NDST4: variants seen among roughly 807,000 people sequenced by gnomAD.
The protein encoded by NDST4 is N-heparan sulfate sulfotransferase 4.
In NDST4, 63 loss-of-function variants were observed where a neutral mutation model predicts 100.8. The ratio of observed to expected loss-of-function variants is 0.62; its 90% CI spans 0.51 to 0.77. The LOEUF is 0.77. NDST4 is among the 30% of genes least tolerant of loss of function. The pLI, the probability that NDST4 is intolerant of heterozygous loss-of-function variation, is 0.00. For synonymous variants in NDST4, 377 were observed against 361.8 expected (o/e 1.04, Z -0.48); for missense variants, 943 against 1,018.4 (o/e 0.93, Z 1.01).
intron 8 of NDST4, among the ~76,000 whole-genome samples, chr4:114,849,439 A>AAGTAG (rs1723625382): frequency 6.6e-6 from 1 of 152,238 alleles, no homozygotes; most frequent in Admixed American, 6.5e-5. Flanking sequence ...TGGGATCTGG[A>AAGTAG]AGTAGACAAG....
intron 4 of NDST4, among the ~76,000 whole-genome samples, chr4:114,962,319 A>C (rs1288194189): frequency 6.6e-6 from 1 of 151,912 alleles, no homozygotes; most frequent in Admixed American, 6.6e-5. Context: ...CAATTAGACA[A>C]TAAAATAAAA....
chr4:115,101,118 A>G (rs1287283113), intron 1 of NDST4, among the ~76,000 whole-genome samples: 1 of 152,096 alleles, frequency 6.6e-6, no homozygotes, highest in Non-Finnish European at 1.5e-5. Flanking sequence ...TAATAGCCAG[A>G]TGCACTATCC....
chr4:114,889,058 T>G (rs1724538812), intron 6 of NDST4, among the ~76,000 whole-genome samples: 1 of 152,190 alleles, frequency 6.6e-6, no homozygotes, highest in Non-Finnish European at 1.5e-5. Context: ...ACACTAGATA[T>G]TATCATGCTT....
intron 2 of NDST4, among the ~76,000 whole-genome samples, chr4:115,050,262 A>G (rs1412422002): frequency 6.6e-6 from 1 of 152,148 alleles, no homozygotes; most frequent in Non-Finnish European, 1.5e-5. Flanking sequence ...AAACATGTCA[A>G]TATTTTTCAT....
Position 115,064,329 on chromosome 4 carries a change from G to A in NDST4, c.978+11730C>T, listed in dbSNP as rs557696254. Among the ~76,000 whole-genome samples the A allele has an allele frequency of 4.9e-4, 74 of 151,934 alleles. 2 individuals carry two copies. The South Asian group carries it at 0.013, about 26-fold the overall frequency. On this transcript the variant is annotated intron_variant, in intron 2 of 13. Transcript: ENST00000264363. ...AAAACTAAATAAAATTGTTTCAATC[G>A]ATCATAATTTCTAGGCAGAACAACT...
intron 7 of NDST4, among the ~76,000 whole-genome samples, chr4:114,855,550 T>A (rs1050146317): frequency 6.6e-6 from 1 of 152,194 alleles, no homozygotes; most frequent in Non-Finnish European, 1.5e-5. Flanking sequence ...CCAGTGTATG[T>A]TCTTGACATC....
intron 2 of NDST4, among the ~76,000 whole-genome samples, chr4:115,040,360 A>T (rs181523857): frequency 6.7e-6 from 1 of 149,708 alleles, no homozygotes; most frequent in African/African-American, 2.5e-5. Flanking sequence ...CTTAAGAACA[A>T]TATGAACTAC....
intron 1 of NDST4, among the ~76,000 whole-genome samples, chr4:115,095,138 C>T (rs1051416384): frequency 1.3e-5 from 2 of 152,012 alleles, no homozygotes; most frequent in Admixed American, 6.6e-5. Flanking sequence ...TATTGGGCTC[C>T]TCAGGTCTTA....
At chr4:114,871,606 T>C (rs1724149628) in intron 6 of NDST4, among the ~76,000 whole-genome samples, 1 of 152,086 alleles carries the variant, frequency 6.6e-6, no homozygotes, top group African/African-American at 2.4e-5. Context: ...AATTCAAATG[T>C]TATTACAAAC....
intron 4 of NDST4, among the ~76,000 whole-genome samples, chr4:114,967,354 A>T (rs1392132652): frequency 6.6e-6 from 1 of 152,152 alleles, no homozygotes; most frequent in Non-Finnish European, 1.5e-5. Flanking sequence ...TATTTATAGG[A>T]ATAAGTGTAG....
chr4:114,858,554 G>T (rs1247774578), intron 7 of NDST4, among the ~76,000 whole-genome samples: 1 of 152,162 alleles, frequency 6.6e-6, no homozygotes, highest in South Asian at 2.1e-4. Flanking sequence ...TGAAGATATA[G>T]TGTACGCATT....
rs72893338 is a variant in NDST4 at position 114,852,950 on chromosome 4, G to A, written c.1720-129C>T. ...GAACTTGGAGTTAGACCTCACTCTC[G>A]TTCTCTGGTTTCCAAATCTTTTTTA... is the stretch of plus-strand genomic sequence containing the variant. On this transcript the variant is annotated intron_variant, in intron 7 of 13. Coordinates refer to ENST00000264363, the MANE Select transcript of NDST4 (RefSeq NM_022569.3). 2,431 of 548,080 alleles carry A rather than the reference G, an allele frequency of 4.4e-3. 63 individuals carry two copies. In the East Asian group the frequency reaches 0.065, roughly 15 times the overall value. The allele number at this position is 548,080 out of a possible 1,614,324, so 34.0% of individuals were successfully genotyped here.
chr4:114,942,783 G>A (rs539805033), intron 4 of NDST4, among the ~76,000 whole-genome samples: 40 of 151,842 alleles, frequency 2.6e-4, no homozygotes, highest in South Asian at 4.1e-4. Context: ...TTCCAAGAAT[G>A]ATTTTTCTAA....
At chr4:114,990,930 G>A (rs1727023205) in intron 2 of NDST4, among the ~76,000 whole-genome samples, 1 of 151,964 alleles carries the variant, frequency 6.6e-6, no homozygotes, top group Non-Finnish European at 1.5e-5. Flanking sequence ...CTGCTAATGA[G>A]ACTTCAACTC....
chr4:114,840,958 C>A (rs1723411496), intron 10 of NDST4, among the ~76,000 whole-genome samples: 1 of 152,016 alleles, frequency 6.6e-6, no homozygotes, highest in Admixed American at 6.6e-5. Flanking sequence ...CATGTGTATA[C>A]CTTATGCTGA....
chr4:114,864,611 T>C (rs1394355356), intron 7 of NDST4, among the ~76,000 whole-genome samples: 1 of 152,206 alleles, frequency 6.6e-6, no homozygotes, highest in African/African-American at 2.4e-5. Flanking sequence ...ATGGAAAAAC[T>C]GAGAGACATC....
At chr4:115,030,445 C>T (rs1728090257) in intron 2 of NDST4, among the ~76,000 whole-genome samples, 1 of 151,948 alleles carries the variant, frequency 6.6e-6, no homozygotes, top group African/African-American at 2.4e-5. Flanking sequence ...TAATTCTCAC[C>T]CACACAAAAA....
intron 11 of NDST4, among the ~76,000 whole-genome samples, chr4:114,838,033 A>C (rs1723340186): frequency 6.6e-6 from 1 of 152,238 alleles, no homozygotes; most frequent in Non-Finnish European, 1.5e-5. Flanking sequence ...ACTTCTCAAA[A>C]GAAGACATTT....
intron 2 of NDST4, among the ~76,000 whole-genome samples, chr4:115,074,760 A>T (rs1724877902): frequency 2.0e-5 from 3 of 152,098 alleles, no homozygotes. Context: ...ATACCCTGTT[A>T]TTTTGAAGAA....
Sources: gnomAD v4.1 joint callset for allele counts (sites outside exome capture counted in the v4.1 genomes callset) on GRCh38, gnomAD v4.1.1 for gene constraint, MANE v1.5 for transcripts, NCBI Gene and HGNC (gene_info 2026-07-23, HGNC 2026-07-21) for gene names.